The following SPRY3 variants were observed in gnomAD, a reference collection of about 807,000 sequenced individuals.
The protein encoded by SPRY3 is sprouty RTK signaling antagonist 3.
Under a neutral mutation model 20.2 loss-of-function variants are expected in SPRY3, and 15 were observed. That is an observed-to-expected ratio of 0.74 (90% CI 0.50 to 1.14). The LOEUF (loss-of-function observed/expected upper bound fraction) is 1.14. Among genes scored for constraint, SPRY3 ranks in the 50% most tolerant of loss-of-function variants. The probability of loss-of-function intolerance (pLI) is 0.00; values close to 1 mark genes in which losing one functional copy is unlikely to be tolerated. For missense variants in SPRY3, 364 were observed against 363.9 expected, an observed-to-expected ratio of 1.00 and a Z score of 0.00; for synonymous variants, 143 against 136.5, an observed-to-expected ratio of 1.05 and a Z score of -0.33.
At chrX:155,719,249 G>A (rs1057004009) in intron 2 of SPRY3, among the ~76,000 whole-genome samples, 2 of 152,110 alleles carry the variant, frequency 1.3e-5, no homozygotes, top group African/African-American at 2.4e-5. Flanking sequence ...GCTGATGCCC[G>A]CCCATGGAGG....
At chrX:155,768,957 G>T (rs1335939586) in intron 3 of SPRY3, among the ~76,000 whole-genome samples, 7 of 152,160 alleles carry the variant, frequency 4.6e-5, no homozygotes, top group African/African-American at 2.4e-5. Flanking sequence ...AACTATTGTT[G>T]CTTTTCTGGT....
intron 2 of SPRY3, among the ~76,000 whole-genome samples, chrX:155,764,457 C>G (rs181928178): frequency 6.6e-6 from 1 of 152,240 alleles, no homozygotes; most frequent in Admixed American, 6.5e-5. Flanking sequence ...AATCACGGAA[C>G]TTCGAGTTGT....
intron 2 of SPRY3, among the ~76,000 whole-genome samples, chrX:155,710,150 T>C (rs1414037725): frequency 6.6e-6 from 1 of 151,846 alleles, no homozygotes; most frequent in Non-Finnish European, 1.5e-5. Context: ...TTTGGGTCTT[T>C]TGTGGTTCTA....
intron 2 of SPRY3, among the ~76,000 whole-genome samples, chrX:155,758,141 T>A (rs2091290458): frequency 6.6e-6 from 1 of 152,228 alleles, no homozygotes; most frequent in African/African-American, 2.4e-5. Flanking sequence ...ACGATTCATT[T>A]ATTCGTTCAA....
intron 3 of SPRY3, among the ~76,000 whole-genome samples, chrX:155,771,957 C>T (rs1312872828): frequency 6.6e-6 from 1 of 152,086 alleles, no homozygotes; most frequent in Non-Finnish European, 1.5e-5. Flanking sequence ...GGCTCAAGGT[C>T]CTTCAAGATC....
chrX:155,614,276 A>G (rs1557348657), intron 1 of SPRY3, among the ~76,000 whole-genome samples: 20 of 112,034 alleles, frequency 1.8e-4, no homozygotes. Context: ...GGAAAACAAA[A>G]AAAGTTTTGG....
chrX:155,693,865 C>A (rs1300379658), intron 2 of SPRY3, among the ~76,000 whole-genome samples: 2 of 99,665 alleles, frequency 2.0e-5, no homozygotes, highest in Non-Finnish European at 4.1e-5. Flanking sequence ...TACAATGGCA[C>A]AATCATAGCT....
intron 2 of SPRY3, among the ~76,000 whole-genome samples, chrX:155,764,601 C>A (rs2091317213): frequency 6.6e-6 from 1 of 151,984 alleles, no homozygotes; most frequent in African/African-American, 2.4e-5. Context: ...GCAGTGAAGA[C>A]AAATATAATA....
intron 1 of SPRY3, among the ~76,000 whole-genome samples, chrX:155,651,865 G>A (rs2067978475): frequency 9.0e-6 from 1 of 111,649 alleles, no homozygotes; most frequent in South Asian, 3.7e-4. Flanking sequence ...TTCTCGCATT[G>A]TTATAAAGAA....
At chrX:155,705,681 G>A (rs1374075884) in intron 2 of SPRY3, among the ~76,000 whole-genome samples, 7 of 151,174 alleles carry the variant, frequency 4.6e-5, no homozygotes, top group South Asian at 2.1e-4. Flanking sequence ...TACATATAAT[G>A]CAAACACTAG....
chrX:155,766,364 T>A (rs2091329875), intron 2 of SPRY3, among the ~76,000 whole-genome samples: 1 of 152,154 alleles, frequency 6.6e-6, no homozygotes, highest in African/African-American at 2.4e-5. Flanking sequence ...TCCCCTCATG[T>A]TAATGTAAAA....
At chrX:155,741,016 A>G (rs768437552) in intron 2 of SPRY3, among the ~76,000 whole-genome samples, 12 of 152,260 alleles carry the variant, frequency 7.9e-5, no homozygotes, top group African/African-American at 2.9e-4. Flanking sequence ...ATGTTGAAAT[A>G]TTGGGGGTGG....
chrX:155,742,868 C>T (rs2091209772), intron 2 of SPRY3, among the ~76,000 whole-genome samples: 1 of 151,934 alleles, frequency 6.6e-6, no homozygotes, highest in African/African-American at 2.4e-5. Context: ...CATTAAATGC[C>T]CACATCAAAA....
Position 155,767,445 on chromosome X carries a change from A to G in SPRY3, c.-281-517A>G, listed in dbSNP as rs306883. ...AAATAATCACACACTGGCGGTATCT[A>G]TTGCTCCGTTGAGATACCCTGTGTC... On this transcript the variant is annotated intron_variant, in intron 2 of 3. Coordinates refer to ENST00000675360, the Ensembl canonical transcript of SPRY3. Among the ~76,000 whole-genome samples the G allele has an allele frequency of 7.2e-3, 1,100 of 151,768 alleles. 13 individuals are homozygous for G. Among genetic ancestry groups the G allele is most frequent in the African/African-American group, 0.025 (1,021 of 41,332 alleles).
chrX:155,705,481 C>A (rs2090943895), intron 2 of SPRY3, among the ~76,000 whole-genome samples: 1 of 151,130 alleles, frequency 6.6e-6, no homozygotes, highest in Admixed American at 6.6e-5. Flanking sequence ...TAGAAAACAG[C>A]TAAGAAAATG....
At chrX:155,626,192 C>A (rs1235131141) in intron 1 of SPRY3, among the ~76,000 whole-genome samples, 1 of 111,624 alleles carries the variant, frequency 9.0e-6, no homozygotes, top group Admixed American at 9.5e-5. Context: ...TTATCCACAT[C>A]CTCTCCAACA....
At chrX:155,725,830 C>T (rs1046886999) in intron 2 of SPRY3, among the ~76,000 whole-genome samples, 6 of 152,064 alleles carry the variant, frequency 3.9e-5, no homozygotes, top group Non-Finnish European at 8.8e-5. Context: ...CAGTTCTGCT[C>T]TGGTCTTAGT....
chrX:155,716,449 G>C (rs1193669051), intron 2 of SPRY3, among the ~76,000 whole-genome samples: 1 of 152,020 alleles, frequency 6.6e-6, no homozygotes, highest in Non-Finnish European at 1.5e-5. Context: ...CCAACATACA[G>C]TTTCTGCTTT....
At chrX:155,767,738 G>GAGAGGAGGAGGAGGAGAC (rs1569400062) in intron 2 of SPRY3, 2 of 57,268 alleles carry the variant, frequency 3.5e-5, no homozygotes, top group African/African-American at 6.8e-5. Flanking sequence ...GAGGAGGAGA[G>GAGAGGAGGAGGAGGAGAC]AGAGGAGGAG....
Sources: gnomAD v4.1 joint callset for allele counts (sites outside exome capture counted in the v4.1 genomes callset) on GRCh38, gnomAD v4.1.1 for gene constraint, MANE v1.5 for transcripts, NCBI Gene and HGNC (gene_info 2026-07-23, HGNC 2026-07-21) for gene names.